Variants in MAP1B observed in about 807,000 individuals in gnomAD.
The protein encoded by MAP1B is microtubule associated protein 1B.
Under a neutral mutation model 176.1 loss-of-function variants are expected in MAP1B, and 12 were observed. That is an observed-to-expected ratio of 0.07 (90% CI 0.04 to 0.11). MAP1B has a LOEUF of 0.11. MAP1B is among the 10% of genes least tolerant of loss of function. The pLI is 1.00. For synonymous variants in MAP1B, 1,044 were observed against 1,135.0 expected, an observed-to-expected ratio of 0.92 and a Z score of 1.61; for missense variants, 2,523 against 2,990.5, an observed-to-expected ratio of 0.84 and a Z score of 3.65.
Position 72,195,843 on chromosome 5 carries a change from A to G in MAP1B, c.2488A>G (p.Met830Val), listed in dbSNP as rs1747148576. 6.2e-7 allele frequency: 1 copy of G among 1,614,258 alleles called. No homozygotes were observed. The highest frequency in any genetic ancestry group is 8.5e-7 in the Non-Finnish European group (1 of 1,180,044). ...AGAACTCGAAGCTGAGAGGTCCCTT[A>G]TGTCATCTCCTGAGGATCTAACCAA... ...AKELEAERSL[M>V]SSPEDLTKDF... The change falls in exon 5 of 7, where the codon ATG (methionine) becomes GTG (valine). Residue 830 changes from methionine (M) to valine (V), a missense_variant. By Grantham distance (21) the Met-to-Val change is conservative. Transcript: ENST00000296755.
chr5:72,193,535 G>T (rs1354027002), intron 4 of MAP1B, among the ~76,000 whole-genome samples: 1 of 152,134 alleles, frequency 6.6e-6, no homozygotes, highest in Non-Finnish European at 1.5e-5. Context: ...TGCCCAGGTG[G>T]TCACTGGTGT....
At chr5:72,137,413 T>C (rs1745857583) in intron 2 of MAP1B, among the ~76,000 whole-genome samples, 1 of 152,220 alleles carries the variant, frequency 6.6e-6, no homozygotes, top group South Asian at 2.1e-4. Flanking sequence ...AATCATATTT[T>C]CTAGTTGAAT....
rs1554051900 is a variant in MAP1B, at chr5:72,130,194, A to AAC, written c.286+14396_286+14397insCA. Among the ~76,000 whole-genome samples the AAC allele has an allele frequency of 3.5e-3, 536 of 151,104 alleles. 2 individuals are homozygous for AAC. Among genetic ancestry groups the AAC allele is most frequent in the East Asian group, 0.031 (162 of 5,178 alleles). ...AAAAGAAGAAAAGTGGAAAAAAAAAAAATGAACAAACAAAAAGACGAAAGG... is the reference window on the plus strand; with the variant it reads ...AAAAGAAGAAAAGTGGAAAAAAAAAAACAATGAACAAACAAAAAGACGAAAGG... On this transcript the variant is annotated intron_variant, in intron 2 of 6. Transcript: ENST00000296755.
intron 4 of MAP1B, among the ~76,000 whole-genome samples, chr5:72,190,607 C>T (rs1459225930): frequency 6.6e-5 from 10 of 152,292 alleles, no homozygotes; most frequent in African/African-American, 1.9e-4. Context: ...ATTTTCATAC[C>T]ATGCACAAAT....
chr5:72,190,947 TCTTC>T (rs1188480643), intron 4 of MAP1B, among the ~76,000 whole-genome samples: 1 of 152,268 alleles, frequency 6.6e-6, no homozygotes, highest in Non-Finnish European at 1.5e-5. Flanking sequence ...ATTTCTTACA[TCTTC>T]CTTCCTCTTC....
chr5:72,170,019 A>G (rs973980924), intron 2 of MAP1B, among the ~76,000 whole-genome samples: 1 of 152,334 alleles, frequency 6.6e-6, no homozygotes, highest in East Asian at 1.9e-4. Context: ...ACAACCTTCA[A>G]GCAAAGTATC....
At chr5:72,158,094 G>GC (rs1746260643) in intron 2 of MAP1B, among the ~76,000 whole-genome samples, 1 of 146,656 alleles carries the variant, frequency 6.8e-6, no homozygotes, top group African/African-American at 2.5e-5. Context: ...TGCAGGCTCC[G>GC]CCCCCCGGGG....
At chr5:72,108,693 A>C (rs2112105896) in intron 1 of MAP1B, among the ~76,000 whole-genome samples, 1 of 151,952 alleles carries the variant, frequency 6.6e-6, no homozygotes, top group Non-Finnish European at 1.5e-5. Flanking sequence ...GCCCCCCCAC[A>C]CTGCGGCGCC....
At chr5:72,175,732 T>C (rs1475133652) in intron 2 of MAP1B, among the ~76,000 whole-genome samples, 1 of 152,124 alleles carries the variant, frequency 6.6e-6, no homozygotes, top group East Asian at 1.9e-4. Flanking sequence ...CAAATGAGAA[T>C]CCTGCACATG....
Position 72,195,447 on chromosome 5 carries a change from A to G in MAP1B, c.2092A>G (p.Lys698Glu). The part of the protein sequence containing the change: ...IKKEEKKEPK[K>E]EVKKETPPKE... ...GAAAGAAGAGAAAAAAGAACCCAAG[A>G]AAGAGGTTAAGAAAGAAACACCGCC... Residue 698 changes from lysine (K) to glutamate (E), a missense_variant, in exon 5 of 7, where the codon AAA becomes GAA. Around this residue, in one of 4 missense-constraint regions of MAP1B, gnomAD observed 1,925 missense variants for 2,126.0 expected, o/e 0.91. Coordinates refer to ENST00000296755, the MANE Select transcript of MAP1B (RefSeq NM_005909.5). The G allele has an allele frequency of 6.3e-7, 1 of 1,579,062 alleles. No individual in the cohort carries two copies. Among genetic ancestry groups the G allele is most frequent in the Non-Finnish European group, 8.6e-7 (1 of 1,165,488 alleles).
rs532059153 is a variant in MAP1B, at chr5:72,159,868, T to C, written c.287-23875T>C. 9.2e-5 allele frequency among the ~76,000 whole-genome samples: 14 copies of C among 152,318 alleles called. No individual in the cohort carries two copies. In the South Asian group the frequency reaches 2.5e-3, roughly 27 times the overall value. The stretch of plus-strand genomic sequence containing the variant: ...GTGAGATCCAGGCCTTACTCATGGT[T>C]GTTGAGTACATGCAGCCTCCAGCCA... On this transcript the variant is annotated intron_variant, in intron 2 of 6. Coordinates refer to ENST00000296755, the MANE Select transcript of MAP1B (RefSeq NM_005909.5).
At chr5:72,168,873 C>T (rs189312561) in intron 2 of MAP1B, among the ~76,000 whole-genome samples, 41 of 152,298 alleles carry the variant, frequency 2.7e-4, no homozygotes, top group Non-Finnish European at 1.2e-4. Context: ...AGAAACAAAT[C>T]TCTGTTTGTT....
chr5:72,174,528 C>T (rs1000622841), intron 2 of MAP1B, among the ~76,000 whole-genome samples: 2 of 152,230 alleles, frequency 1.3e-5, no homozygotes, highest in African/African-American at 4.8e-5. Flanking sequence ...TCCTCCCATT[C>T]TGTGAGGTGA....
rs1253022690 is a variant in MAP1B at position 72,195,662 on chromosome 5, T to G, written c.2307T>G (p.Asp769Glu). 6 of 1,614,204 alleles carry G rather than the reference T, an allele frequency of 3.7e-6. No individual in the cohort carries two copies. In the South Asian group the frequency reaches 4.4e-5, roughly 12 times the overall value. Residue 769 changes from aspartate to glutamate, a missense_variant, in exon 5 of 7, where the codon GAT becomes GAG. Asp to Glu is a conservative substitution (Grantham distance 45). Coordinates refer to ENST00000296755, the MANE Select transcript of MAP1B (RefSeq NM_005909.5). ...AGAAGGAAGAGTCTGTCAAGAAAGA[T>G]TCTGTTGCTGCCGGAAAGCCAAAGG... ...VPKKEESVKK[D>E]SVAAGKPKEK...
Position 72,197,116 on chromosome 5 carries a change from C to G in MAP1B, c.3761C>G (p.Ser1254Trp). The change falls in exon 5 of 7, where the codon TCG (serine) becomes TGG (tryptophan). Residue 1254 changes from serine to tryptophan, a missense_variant. Ser to Trp is a radical substitution (Grantham distance 177). Transcript: ENST00000296755. ...GTTTCAAGTGAAAAGGTCAGCCCAT[C>G]GAAGAGCCCGTCCCTGAGTCCATCT... ...SAVSSEKVSP[S>W]KSPSLSPSPP... 6.2e-7 allele frequency: 1 copy of G among 1,614,188 alleles called. No individual in the cohort carries two copies.
rs768981407 is a variant in MAP1B, at chr5:72,200,198, G to A, written c.6843G>A (p.Ser2281=). The change falls in exon 5 of 7, where the codon TCG becomes TCA. Residue 2281 remains serine, a synonymous_variant. Coordinates refer to ENST00000296755, the MANE Select transcript of MAP1B (RefSeq NM_005909.5). The part of the protein sequence containing the change: ...SPKPAGLKES[S]DKVSRVASPK... Reference sequence around the variant, plus strand: ...AACCAGCGGGCTTGAAAGAATCCTCGGATAAAGTGTCCAGGGTGGCTTCTC... The same window carrying A: ...AACCAGCGGGCTTGAAAGAATCCTCAGATAAAGTGTCCAGGGTGGCTTCTC... 8.7e-6 allele frequency: 14 copies of A among 1,614,192 alleles called. No individual in the cohort carries two copies. Among genetic ancestry groups the A allele is most frequent in the Middle Eastern group, 1.6e-4 (1 of 6,062 alleles).
Position 72,195,176 on chromosome 5 carries a change from T to C in MAP1B, c.1821T>C (p.Val607=), listed in dbSNP as rs764692041. The C allele has an allele frequency of 5.0e-6, 8 of 1,613,330 alleles. No individual in the cohort carries two copies. The highest frequency in any genetic ancestry group is 2.5e-6 in the Non-Finnish European group (3 of 1,179,954). Residue 607 remains valine, a synonymous_variant, in exon 5 of 7, where the codon GTT becomes GTC. Transcript: ENST00000296755. ...ETKPSVTEKE[V]PSKEEPSPVK... The stretch of plus-strand genomic sequence containing the variant: ...AACCTTCAGTGACTGAAAAGGAGGT[T>C]CCCAGCAAAGAAGAGCCATCTCCAG...
At position 72,203,705 on chromosome 5, in the gene MAP1B, C is replaced by T. The variant is rs550695913; in HGVS notation, c.7155C>T (p.Tyr2385=). 1.1e-5 allele frequency: 18 copies of T among 1,613,978 alleles called. No individual in the cohort carries two copies. Among genetic ancestry groups the T allele is most frequent in the South Asian group, 7.7e-5 (7 of 91,058 alleles). The change falls in exon 6 of 7, where the codon TAC becomes TAT. Residue 2385 remains tyrosine (Y), a synonymous_variant. Coordinates refer to ENST00000296755, the MANE Select transcript of MAP1B (RefSeq NM_005909.5). ...EFFKRVRSSY[Y]VVSGNDPAAE... ...TCAAGAGAGTGCGGTCTTCCTACTA[C>T]GTGGTGAGTGGGAATGACCCTGCTG...
Position 72,200,168 on chromosome 5 carries a change from A to G in MAP1B, c.6813A>G (p.Ser2271=). 5 of 1,614,248 alleles carry G rather than the reference A, an allele frequency of 3.1e-6. No individual in the cohort carries two copies. The highest frequency in any genetic ancestry group is 4.2e-6 in the Non-Finnish European group (5 of 1,180,042). ...GGAAGTCTAAGCCCTTGGCAGCTTCACCAAAACCAGCGGGCTTGAAAGAAT... is the reference window on the plus strand; with the variant it reads ...GGAAGTCTAAGCCCTTGGCAGCTTCGCCAAAACCAGCGGGCTTGAAAGAAT... ...SDGKSKPLAA[S]PKPAGLKESS... The change falls in exon 5 of 7, where the codon TCA becomes TCG. Residue 2271 remains serine (S), a synonymous_variant. Transcript: ENST00000296755.
Sources: allele counts gnomAD v4.1 joint callset (sites outside exome capture counted in the v4.1 genomes callset), GRCh38; gene constraint gnomAD v4.1.1; regional missense constraint gnomAD v4.1.1; transcripts MANE v1.5; gene names NCBI Gene and HGNC (gene_info 2026-07-23, HGNC 2026-07-21).